The following LSG1 variants were observed in gnomAD, a reference collection of about 807,000 sequenced individuals.
The protein encoded by LSG1 is large subunit GTPase 1 homolog.
LSG1 carries 55 observed loss-of-function variants against 82.6 expected under a neutral mutation model. The ratio of observed to expected loss-of-function variants is 0.67; its 90% confidence interval spans 0.54 to 0.83. The LOEUF (loss-of-function observed/expected upper bound fraction) is 0.83. Ranked by LOEUF, LSG1 falls within the 40% of genes least tolerant of loss-of-function variation. LSG1 has a pLI of 0.00. For synonymous variants in LSG1, 272 were observed against 282.5 expected (o/e 0.96, Z 0.37); for missense variants, 809 against 807.9 (o/e 1.00, Z -0.02).
chr3:194,660,177 G>C (rs1189345347), intron 5 of LSG1, 44 bp from the exon 6 acceptor site: 2 of 1,483,426 alleles, frequency 1.3e-6, no homozygotes, highest in Non-Finnish European at 1.9e-6. Context: ...TGAAGTGAAA[G>C]GGATTTTACT....
At chr3:194,653,815 G>A (rs1577254640) in intron 7 of LSG1, among the ~76,000 whole-genome samples, 2 of 152,158 alleles carry the variant, frequency 1.3e-5, no homozygotes, top group East Asian at 1.9e-4. Context: ...TGGGAGGATC[G>A]CTCAAGGCCA....
chr3:194,672,155 C>T lies in LSG1; in HGVS notation c.8G>A (p.Arg3Gln), dbSNP rs766622434. ...CGACCCACCGGCCGGGGCTCTCCTC[C>T]GGCCCATGGCAACACGACCGCTGGA... is the stretch of plus-strand genomic sequence containing the variant. The part of the protein sequence containing the change: MG[R>Q]RRAPAGGSLG... Residue 3 changes from arginine to glutamine, a missense_variant, in exon 1 of 14, where the codon CGG (arginine) becomes CAG (glutamine). By Grantham distance (43) the Arg-to-Gln change is conservative. Coordinates refer to ENST00000265245, the MANE Select transcript of LSG1 (RefSeq NM_018385.3). The T allele has an allele frequency of 3.7e-6, 6 of 1,601,696 alleles. No homozygotes were observed. Among genetic ancestry groups the T allele is most frequent in the East Asian group, 2.2e-5 (1 of 44,878 alleles).
At chr3:194,671,645 G>A (rs1719141082) in intron 1 of LSG1, among the ~76,000 whole-genome samples, 1 of 152,176 alleles carries the variant, frequency 6.6e-6, no homozygotes, top group Non-Finnish European at 1.5e-5. Context: ...GCAAGGATGA[G>A]GCAAGGATCT....
intron 11 of LSG1, among the ~76,000 whole-genome samples, chr3:194,647,918 T>C (rs955100886): frequency 2.0e-5 from 3 of 152,170 alleles, no homozygotes; most frequent in Non-Finnish European, 4.4e-5. Flanking sequence ...TTATCCTCTT[T>C]AGAGTCTCTA....
chr3:194,659,725 T>C (rs1485125999), intron 6 of LSG1, among the ~76,000 whole-genome samples: 6 of 152,268 alleles, frequency 3.9e-5, no homozygotes, highest in Admixed American at 2.0e-4. Flanking sequence ...CCTTATGGGA[T>C]GAATTAAAAA....
rs537457661 is a variant in LSG1, at chr3:194,655,127, A to G, written c.760-1985T>C. Among the ~76,000 whole-genome samples the G allele has an allele frequency of 4.6e-5, 7 of 152,328 alleles. No homozygotes were observed. The South Asian group carries it at 8.3e-4, about 18-fold the overall frequency. ...ACTTGGGAGAAGCAAATGGCGCCTC[A>G]CTCTTAAAAAGGAGGAAAGAATATC... On this transcript the variant is annotated intron_variant, in intron 7 of 13. Coordinates refer to ENST00000265245, the MANE Select transcript of LSG1 (RefSeq NM_018385.3).
intron 1 of LSG1, among the ~76,000 whole-genome samples, chr3:194,670,904 A>T (rs1719128380): frequency 6.7e-6 from 1 of 148,802 alleles, no homozygotes. Context: ...ACACAGCAAG[A>T]CCCTGTCTCT....
chr3:194,650,788 T>G, intron 10 of LSG1, 93 bp downstream of exon 10: 1 of 1,319,936 alleles, frequency 7.6e-7, no homozygotes, highest in Non-Finnish European at 1.0e-6. Context: ...TTTTCAATTC[T>G]TCATCAAATC....
intron 1 of LSG1, among the ~76,000 whole-genome samples, chr3:194,671,547 T>C (rs1719139405): frequency 6.6e-6 from 1 of 152,138 alleles, no homozygotes; most frequent in Non-Finnish European, 1.5e-5. Flanking sequence ...TTTTTAAAGA[T>C]CCTTCTATAA....
At chr3:194,644,395 T>A (rs866753685) in intron 13 of LSG1, among the ~76,000 whole-genome samples, 178 bp downstream of exon 13, 7,406 of 100,598 alleles carry the variant, frequency 0.074, 601 homozygotes, top group East Asian at 0.18. Context: ...AATAAATAAA[T>A]AAATAAATAA....
chr3:194,642,625 C>T (rs1345581409), intron 13 of LSG1, among the ~76,000 whole-genome samples: 1 of 151,938 alleles, frequency 6.6e-6, no homozygotes, highest in Non-Finnish European at 1.5e-5. Context: ...CTACGATTTG[C>T]AAGTTACTTA....
At chr3:194,647,921 A>T (rs1718586321) in intron 11 of LSG1, among the ~76,000 whole-genome samples, 1 of 152,120 alleles carries the variant, frequency 6.6e-6, no homozygotes, top group Non-Finnish European at 1.5e-5. Flanking sequence ...TCCTCTTTAG[A>T]GTCTCTAAGT....
Position 194,651,209 on chromosome 3 carries a change from T to G in LSG1, c.1181A>C (p.Tyr394Ser). The G allele has an allele frequency of 1.2e-6, 2 of 1,612,976 alleles. No homozygotes were observed. Among genetic ancestry groups the G allele is most frequent in the South Asian group, 2.2e-5 (2 of 91,054 alleles). ...DGQLTVGLVG[Y>S]PNVGKSSTIN... The stretch of plus-strand genomic sequence containing the variant: ...TGTTGAACTCTTACCAACATTAGGG[T>G]AGCCCACCTAGAAGAGACTCAGAAG... Residue 394 changes from tyrosine (Y) to serine (S), a missense_variant, in exon 9 of 14, where the codon TAC becomes TCC. Tyr to Ser is a moderately radical substitution (Grantham distance 144). Coordinates refer to ENST00000265245, the MANE Select transcript of LSG1 (RefSeq NM_018385.3).
intron 8 of LSG1, among the ~76,000 whole-genome samples, chr3:194,652,462 C>T (rs142879159): frequency 3.3e-5 from 5 of 152,268 alleles, no homozygotes; most frequent in South Asian, 2.1e-4. Flanking sequence ...GTACTTCACA[C>T]GGCAGGAAAA....
intron 2 of LSG1, among the ~76,000 whole-genome samples, chr3:194,667,940 AAAAT>A (rs1719063751): frequency 9.8e-6 from 1 of 102,058 alleles, no homozygotes; most frequent in Non-Finnish European, 1.8e-5. Context: ...AAAAAAAAAA[AAAAT>A]ATATATATAT....
chr3:194,645,593 C>CAGACAG (rs1553845150), intron 12 of LSG1, among the ~76,000 whole-genome samples: 2 of 100,224 alleles, frequency 2.0e-5, no homozygotes, highest in African/African-American at 8.5e-5. Flanking sequence ...CACACACACA[C>CAGACAG]ACACACACAC....
At chr3:194,644,780 C>T in intron 12 of LSG1, 34 bp from the exon 13 acceptor site, 1 of 1,553,842 alleles carries the variant, frequency 6.4e-7, no homozygotes, top group Non-Finnish European at 8.7e-7. Context: ...ACAGTGCAGC[C>T]TAAGTGCCAT....
intron 2 of LSG1, among the ~76,000 whole-genome samples, chr3:194,669,441 C>G (rs1322008310): frequency 6.6e-6 from 1 of 152,146 alleles, no homozygotes; most frequent in African/African-American, 2.4e-5. Flanking sequence ...AAGCCTTAAA[C>G]CTTTGTTCTC....
chr3:194,649,232 A>G (rs1457865244), intron 10 of LSG1, among the ~76,000 whole-genome samples: 1 of 152,008 alleles, frequency 6.6e-6, no homozygotes, highest in East Asian at 1.9e-4. Context: ...ACAATATTCT[A>G]CCTTGTACTA....
Sources: gnomAD v4.1 joint callset for allele counts (sites outside exome capture counted in the v4.1 genomes callset) on GRCh38, gnomAD v4.1.1 for gene constraint, MANE v1.5 for transcripts, NCBI Gene and HGNC (gene_info 2026-07-23, HGNC 2026-07-21) for gene names.